HTR4: variants seen among roughly 807,000 people sequenced by gnomAD.
The protein encoded by HTR4 is 5-hydroxytryptamine receptor 4.
A neutral mutation model predicts 36.8 loss-of-function variants in HTR4; 16 were observed. The observed-to-expected ratio is 0.43, with a 90% confidence interval of 0.29 to 0.66. The LOEUF is 0.66. Ranked by LOEUF, HTR4 falls within the 30% of genes least tolerant of loss-of-function variation. The pLI, the probability that HTR4 is intolerant of heterozygous loss-of-function variation, is 0.13. For synonymous variants in HTR4, 189 were observed against 185.1 expected, an observed-to-expected ratio of 1.02 and a Z score of -0.17; for missense variants, 438 against 490.9, an observed-to-expected ratio of 0.89 and a Z score of 1.02.
At chr5:148,549,937 C>T (rs987443099) in intron 3 of HTR4, among the ~76,000 whole-genome samples, 200 bp downstream of exon 3, 9 of 152,306 alleles carry the variant, frequency 5.9e-5, no homozygotes, top group African/African-American at 2.2e-4. Context: ...GATGGAAATA[C>T]ACTGAAATGT....
chr5:148,569,807 G>A (rs1409442275), intron 2 of HTR4, among the ~76,000 whole-genome samples: 1 of 151,944 alleles, frequency 6.6e-6, no homozygotes, highest in East Asian at 1.9e-4. Context: ...TAGATCCAGA[G>A]GTCATGGCCA....
chr5:148,483,166 G>A lies in HTR4; in HGVS notation c.*37C>T. ...CAGCTTAGGACCTGGCCCTCTTTCG[G>A]AGGCATGGCTGTCTTCTGGGTCATT... On this transcript the variant is annotated 3_prime_UTR_variant, in exon 7 of 7. Coordinates refer to ENST00000377888, the MANE Select transcript of HTR4 (RefSeq NM_000870.7). 6.2e-7 allele frequency: 1 copy of A among 1,613,748 alleles called. No homozygotes were observed. The highest frequency in any genetic ancestry group is 8.5e-7 in the Non-Finnish European group (1 of 1,179,796).
chr5:148,546,595 GC>G (rs1759394540), intron 4 of HTR4, among the ~76,000 whole-genome samples: 1 of 152,136 alleles, frequency 6.6e-6, no homozygotes, highest in South Asian at 2.1e-4. Context: ...GCTGCCCACA[GC>G]AAACTCTCCA....
Position 148,482,716 on chromosome 5 carries a change from T to C in HTR4, c.*487A>G, listed in dbSNP as rs549178112. ...GCAGGGGATAGCTTGAACATGGCTG[T>C]GACGGACGTGACCAAGCAAGTAAGC... On this transcript the variant is annotated 3_prime_UTR_variant, in exon 7 of 7. Transcript: ENST00000377888. The C allele has an allele frequency of 1.2e-5, 12 of 1,009,472 alleles. No homozygotes were observed. Among genetic ancestry groups the C allele is most frequent in the Non-Finnish European group, 1.3e-5 (11 of 842,892 alleles). The allele number at this position is 1,009,472 out of a possible 1,614,324, so 62.5% of individuals were successfully genotyped here. A position where few individuals can be genotyped will look rare whatever the true frequency, so the allele number is the denominator to read the frequency against.
chr5:148,522,321 G>C (rs1758061412), intron 5 of HTR4, among the ~76,000 whole-genome samples: 1 of 152,098 alleles, frequency 6.6e-6, no homozygotes, highest in East Asian at 1.9e-4. Context: ...ATGGAATAAA[G>C]ACCTTTTGGG....
intron 2 of HTR4, among the ~76,000 whole-genome samples, chr5:148,617,258 G>A (rs1752733037): frequency 6.6e-6 from 1 of 152,170 alleles, no homozygotes; most frequent in African/African-American, 2.4e-5. Context: ...TCCTGCTTTG[G>A]TGCCTGCTTC....
intron 2 of HTR4, among the ~76,000 whole-genome samples, chr5:148,633,278 T>C (rs148864840): frequency 2.6e-4 from 39 of 152,314 alleles, no homozygotes; most frequent in African/African-American, 8.9e-4. Context: ...ATGCTTATAA[T>C]GCTTCTCATA....
intron 5 of HTR4, among the ~76,000 whole-genome samples, chr5:148,456,362 G>A (rs1561557703): frequency 6.6e-6 from 1 of 152,174 alleles, no homozygotes; most frequent in East Asian, 1.9e-4. Flanking sequence ...CACCGCTGTT[G>A]CTGGCTAACT....
At chr5:148,639,683 T>C (rs1753665884) in intron 1 of HTR4, among the ~76,000 whole-genome samples, 1 of 149,066 alleles carries the variant, frequency 6.7e-6, no homozygotes, top group African/African-American at 2.5e-5. Flanking sequence ...TCTTGCTCAC[T>C]AGAATATAAA....
intron 5 of HTR4, among the ~76,000 whole-genome samples, chr5:148,521,786 C>T (rs1026366113): frequency 2.0e-5 from 3 of 152,104 alleles, no homozygotes; most frequent in African/African-American, 7.2e-5. Flanking sequence ...ATCTTCTCAT[C>T]ACAGTGCTTC....
At chr5:148,650,378 G>C (rs1233036962) in intron 1 of HTR4, among the ~76,000 whole-genome samples, 3 of 152,126 alleles carry the variant, frequency 2.0e-5, no homozygotes. Flanking sequence ...TTGGTAAATG[G>C]TAAGGCAGTC....
At chr5:148,569,638 A>G (rs1158940995) in intron 2 of HTR4, among the ~76,000 whole-genome samples, 3 of 151,696 alleles carry the variant, frequency 2.0e-5, no homozygotes, top group Non-Finnish European at 4.4e-5. Flanking sequence ...TATACTTACA[A>G]TAAAATAATA....
intron 4 of HTR4, among the ~76,000 whole-genome samples, chr5:148,524,242 T>A (rs1447831820): frequency 6.6e-6 from 1 of 152,218 alleles, no homozygotes; most frequent in African/African-American, 2.4e-5. Context: ...TCCTTACGGC[T>A]GGATAGGACC....
chr5:148,508,268 G>T (rs189465318), intron 6 of HTR4, among the ~76,000 whole-genome samples: 7 of 152,022 alleles, frequency 4.6e-5, no homozygotes, highest in Non-Finnish European at 8.8e-5. Context: ...AAATTCCTGC[G>T]CATCTCAGGG....
chr5:148,559,211 T>C (rs1375503566), intron 2 of HTR4, among the ~76,000 whole-genome samples: 2 of 152,168 alleles, frequency 1.3e-5, no homozygotes, highest in Non-Finnish European at 2.9e-5. Flanking sequence ...AAATTCAATA[T>C]TGGAAATACA....
chr5:148,467,728 C>T (rs1755464097), intron 5 of HTR4, among the ~76,000 whole-genome samples: 1 of 152,202 alleles, frequency 6.6e-6, no homozygotes, highest in Non-Finnish European at 1.5e-5. Flanking sequence ...GTATAGTTTT[C>T]CTGAGACCTC....
intron 2 of HTR4, among the ~76,000 whole-genome samples, chr5:148,586,576 G>A (rs1820071): frequency 0.23 from 34,498 of 151,994 alleles, 4,706 homozygotes; most frequent in Non-Finnish European, 0.31. Context: ...GAACAGCATA[G>A]GGGAAACCAC....
At chr5:148,523,818 A>G (rs933221724) in intron 4 of HTR4, among the ~76,000 whole-genome samples, 1 of 152,068 alleles carries the variant, frequency 6.6e-6, no homozygotes, top group Non-Finnish European at 1.5e-5. Flanking sequence ...ATGCCTGTGC[A>G]TTGAGGAGCC....
chr5:148,577,385 C>T (rs1024939354), intron 2 of HTR4, among the ~76,000 whole-genome samples: 1 of 152,086 alleles, frequency 6.6e-6, no homozygotes, highest in Non-Finnish European at 1.5e-5. Context: ...TAAATTAGTT[C>T]AACCATTGTG....
Sources: gnomAD v4.1 joint callset for allele counts (sites outside exome capture counted in the v4.1 genomes callset) on GRCh38, gnomAD v4.1.1 for gene constraint, MANE v1.5 for transcripts, NCBI Gene and HGNC (gene_info 2026-07-23, HGNC 2026-07-21) for gene names.